Variants in PPP1R16A observed in about 807,000 individuals in gnomAD.
The protein encoded by PPP1R16A is protein phosphatase 1 regulatory subunit 16A.
In PPP1R16A, 39 loss-of-function variants were observed where a neutral mutation model predicts 46.6. The observed-to-expected ratio is 0.84, with a 90% confidence interval of 0.65 to 1.09. The LOEUF (loss-of-function observed/expected upper bound fraction) is 1.09. Ranked by LOEUF, PPP1R16A falls within the 50% of genes least tolerant of loss-of-function variation. The pLI, the probability that PPP1R16A is intolerant of heterozygous loss-of-function variation, is 0.00. For synonymous variants in PPP1R16A, 413 were observed against 321.5 expected (o/e 1.28, Z -3.04); for missense variants, 798 against 735.6 (o/e 1.08, Z -0.98).
chr8:144,480,145 G>A (rs1281960117), intron 1 of PPP1R16A, among the ~76,000 whole-genome samples: 1 of 152,234 alleles, frequency 6.6e-6, no homozygotes, highest in Non-Finnish European at 1.5e-5. Context: ...GGAGCATGCT[G>A]TCCTAAGATC....
intron 1 of PPP1R16A, among the ~76,000 whole-genome samples, chr8:144,489,410 C>T (rs1352750256): frequency 2.1e-5 from 3 of 142,184 alleles, no homozygotes; most frequent in African/African-American, 8.0e-5. Flanking sequence ...GGGGGTTTGT[C>T]TGGGAGGGGG....
intron 3 of PPP1R16A, 34 bp downstream of exon 3, chr8:144,497,487 A>AG (rs36115536): frequency 0.079 from 126,867 of 1,610,698 alleles, 5,802 homozygotes; most frequent in Non-Finnish European, 0.094. Flanking sequence ...AGCTCCCAGC[A>AG]GACGGCCCAC....
In PPP1R16A at chr8:144,500,277, G is replaced by A; in HGVS notation, c.591G>A (p.Gln197=). ...ETAMADRGIT[Q]DSIEAARAVP... is the part of the protein sequence containing the mutation. The stretch of plus-strand genomic sequence containing the variant: ...CCTGCCGCCTCGCAGGCATCACCCA[G>A]GACAGCATCGAGGCCGCCCGGGCCG... The change falls in exon 7 of 12, where the codon CAG becomes CAA. Residue 197 remains glutamine, a synonymous_variant. Transcript: ENST00000435887. 1.3e-6 allele frequency: 2 copies of A among 1,553,886 alleles called. No homozygotes were observed. The highest frequency in any genetic ancestry group is 1.7e-6 in the Non-Finnish European group (2 of 1,150,436).
chr8:144,500,137 C>T lies in PPP1R16A; in HGVS notation c.518C>T (p.Pro173Leu). 1.9e-6 allele frequency: 3 copies of T among 1,612,394 alleles called. No homozygotes were observed. Among genetic ancestry groups the T allele is most frequent in the Non-Finnish European group, 8.5e-7 (1 of 1,179,364 alleles). Residue 173 changes from proline to leucine, a missense_variant, in exon 6 of 12, where the codon CCC becomes CTC. Transcript: ENST00000435887. ...GCGGTCAACACCGACGGGAACATGC[C>T]CTATGACCTGTGTGATGATGAGCAG... Reference protein sequence around the residue: ...LLAVNTDGNMPYDLCDDEQTL... With the variant: ...LLAVNTDGNMLYDLCDDEQTL...
intron 2 of PPP1R16A, among the ~76,000 whole-genome samples, chr8:144,494,725 G>T (rs1031552908): frequency 6.6e-6 from 1 of 152,144 alleles, no homozygotes; most frequent in Non-Finnish European, 1.5e-5. Flanking sequence ...TGCCCAGGTG[G>T]GTTCTCTGGC....
rs1160637706 is a variant in PPP1R16A at position 144,499,301 on chromosome 8, C to T, written c.476+240C>T. The T allele has an allele frequency of 5.3e-6, 3 of 562,458 alleles. No homozygotes were observed. In the Admixed American group the frequency reaches 9.8e-5, roughly 18 times the overall value. 34.8% of individuals were successfully genotyped at this position (562,458 alleles called of 1,614,324 possible). Reference sequence around the variant, plus strand: ...TCGTCCTCCTGCCGAGAGGGCAGGCCTCGGGCCCCCCCCCAGAGTGTGCAC... The same window carrying T: ...TCGTCCTCCTGCCGAGAGGGCAGGCTTCGGGCCCCCCCCCAGAGTGTGCAC... On this transcript the variant is annotated intron_variant, in intron 5 of 11. Transcript: ENST00000435887.
chr8:144,485,400 T>C (rs541519007), intron 1 of PPP1R16A, among the ~76,000 whole-genome samples: 5 of 151,634 alleles, frequency 3.3e-5, no homozygotes, highest in East Asian at 1.9e-4. Flanking sequence ...GGCACACACC[T>C]GTAATCCCAG....
At chr8:144,487,979 T>TA (rs1258287001) in intron 1 of PPP1R16A, among the ~76,000 whole-genome samples, 1 of 152,256 alleles carries the variant, frequency 6.6e-6, no homozygotes, top group Non-Finnish European at 1.5e-5. Context: ...TGTCTCCTCC[T>TA]ATATCTTCCC....
chr8:144,499,294 G>A, intron 5 of PPP1R16A: 2 of 573,186 alleles, frequency 3.5e-6, no homozygotes, highest in Non-Finnish European at 6.0e-6. Context: ...CTGCCGAGAG[G>A]GCAGGCCTCG....
intron 2 of PPP1R16A, among the ~76,000 whole-genome samples, chr8:144,492,659 C>T (rs937968495): frequency 6.6e-6 from 1 of 151,754 alleles, no homozygotes; most frequent in East Asian, 1.9e-4. Context: ...TGGAGGTGCA[C>T]CTTACTGAGG....
At chr8:144,498,679 C>T in intron 3 of PPP1R16A, 91 bp from the exon 4 acceptor site, 1 of 1,315,994 alleles carries the variant, frequency 7.6e-7, no homozygotes, top group Non-Finnish European at 1.0e-6. Context: ...CCACTGTCTT[C>T]CTTGTCCTTC....
chr8:144,499,285 T>C (rs1179094056), intron 5 of PPP1R16A: 2 of 590,558 alleles, frequency 3.4e-6, no homozygotes, highest in Non-Finnish European at 5.7e-6. Context: ...TTCGTCCTCC[T>C]GCCGAGAGGG....
In PPP1R16A at chr8:144,493,442, A is replaced by G. The variant is rs1055048976; in HGVS notation, c.-734-3019A>G. 3.3e-5 allele frequency among the ~76,000 whole-genome samples: 5 copies of G among 152,152 alleles called. No individual in the cohort carries two copies. The highest frequency in any genetic ancestry group is 7.4e-5 in the Non-Finnish European group (5 of 68,000). On this transcript the variant is annotated intron_variant, in intron 2 of 11. Coordinates refer to ENST00000435887, the MANE Select transcript of PPP1R16A (RefSeq NM_001329443.2). The surrounding 1 kb of genome is among the most constrained non-coding windows in gnomAD (Gnocchi z 4.3). Reference sequence around the variant, plus strand: ...GCCACCAGGCTCTCATGGCTCAGCCAAGGGGCAAGTCTTCTCAGCTCTGGT... The same window carrying G: ...GCCACCAGGCTCTCATGGCTCAGCCGAGGGGCAAGTCTTCTCAGCTCTGGT...
At chr8:144,492,303 C>T (rs974993533) in intron 2 of PPP1R16A, among the ~76,000 whole-genome samples, 4 of 150,746 alleles carry the variant, frequency 2.7e-5, no homozygotes, top group Non-Finnish European at 4.4e-5. Context: ...AGTAGGGTGG[C>T]GTCCTAGAAA....
intron 3 of PPP1R16A, 117 bp downstream of exon 3, chr8:144,497,570 C>G (rs1826137122): frequency 7.6e-6 from 11 of 1,450,180 alleles, no homozygotes; most frequent in Non-Finnish European, 1.0e-5. Context: ...GGCTCCAGCC[C>G]CCAGATCTTG....
chr8:144,479,929 G>A (rs1038166201), intron 1 of PPP1R16A, among the ~76,000 whole-genome samples: 5 of 152,234 alleles, frequency 3.3e-5, no homozygotes, highest in Admixed American at 1.3e-4. Flanking sequence ...CAGAGGCTCA[G>A]CAGCTGTTCA....
intron 1 of PPP1R16A, among the ~76,000 whole-genome samples, chr8:144,488,374 T>C (rs1002796874): frequency 6.6e-6 from 1 of 152,122 alleles, no homozygotes; most frequent in Non-Finnish European, 1.5e-5. Context: ...GGCTCTGCTA[T>C]GTTCAGAGTC....
At chr8:144,482,960 T>TTTA (rs749757339) in intron 1 of PPP1R16A, among the ~76,000 whole-genome samples, 4 of 152,116 alleles carry the variant, frequency 2.6e-5, no homozygotes, top group Non-Finnish European at 5.9e-5. Context: ...TTTTTGTATT[T>TTTA]TTAGTAGAGA....
intron 7 of PPP1R16A, 36 bp downstream of exon 7, chr8:144,500,427 G>T: frequency 6.6e-7 from 1 of 1,523,416 alleles, no homozygotes; most frequent in Non-Finnish European, 8.8e-7. Context: ...ACGGGGCTGG[G>T]GGCCTCGCTA....
Sources: allele counts gnomAD v4.1 joint callset (sites outside exome capture counted in the v4.1 genomes callset), GRCh38; gene constraint gnomAD v4.1.1; non-coding constraint Gnocchi (gnomAD v3.1); transcripts MANE v1.5; gene names NCBI Gene and HGNC (gene_info 2026-07-23, HGNC 2026-07-21).